The following PCDHGA1 variants were observed in gnomAD, a reference collection of about 807,000 sequenced individuals.
The protein encoded by PCDHGA1 is protocadherin gamma subfamily A, 1.
PCDHGA1 carries 32 observed loss-of-function variants against 58.0 expected under a neutral mutation model. The observed-to-expected ratio is 0.55, with a 90% confidence interval of 0.42 to 0.74. The LOEUF is 0.74. Ranked by LOEUF, PCDHGA1 falls within the 30% of genes least tolerant of loss-of-function variation. The pLI is 0.00. For missense variants in PCDHGA1, 1,205 were observed against 1,182.3 expected (o/e 1.02, Z -0.28); for synonymous variants, 498 against 501.1 (o/e 0.99, Z 0.08).
chr5:141,361,230 G>A, intron 1 of PCDHGA1: 1 of 1,613,982 alleles, frequency 6.2e-7, no homozygotes, highest in Non-Finnish European at 8.5e-7. Flanking sequence ...CAGGAACAGT[G>A]ATCGCCTTGA....
intron 2 of PCDHGA1, among the ~76,000 whole-genome samples, chr5:141,496,582 G>A (rs991035985): frequency 1.9e-4 from 29 of 152,100 alleles, no homozygotes; most frequent in Non-Finnish European, 3.5e-4. Flanking sequence ...TTTTAGGAAC[G>A]CAAAGCGCTT....
At chr5:141,333,884 G>A (rs2149715147) in intron 1 of PCDHGA1, 1 of 152,190 alleles carries the variant, frequency 6.6e-6, no homozygotes, top group East Asian at 1.9e-4. Flanking sequence ...AATGTATGAA[G>A]TAACAAAATG....
intron 1 of PCDHGA1, chr5:141,423,809 GT>G (rs1484832928): frequency 7.9e-7 from 1 of 1,259,912 alleles, no homozygotes; most frequent in African/African-American, 1.6e-5. Context: ...ATACATGTGA[GT>G]TTTACTTTGC....
intron 1 of PCDHGA1, among the ~76,000 whole-genome samples, chr5:141,435,743 G>T (rs3805699): frequency 0.11 from 17,212 of 152,168 alleles, 1,160 homozygotes; most frequent in African/African-American, 0.18. Context: ...TCTTTGAAAA[G>T]CATTGCTTGA....
chr5:141,361,046 A>G, intron 1 of PCDHGA1: 1 of 1,613,710 alleles, frequency 6.2e-7, no homozygotes, highest in East Asian at 2.2e-5. Context: ...ATCACGACAA[A>G]GGATGATTTG....
intron 1 of PCDHGA1, chr5:141,419,142 G>A (rs1351034238): frequency 6.2e-7 from 1 of 1,613,902 alleles, no homozygotes; most frequent in Non-Finnish European, 8.5e-7. Context: ...ACAGACAGGG[G>A]CAAGCCTCCG....
chr5:141,510,898 T>G (rs1393880610), intron 3 of PCDHGA1, 49 bp from the exon 4 acceptor site: 1 of 1,613,278 alleles, frequency 6.2e-7, no homozygotes, highest in East Asian at 2.2e-5. Context: ...ACAGTGACTG[T>G]TGAGGACCCT....
chr5:141,372,698 C>G, intron 1 of PCDHGA1: 1 of 1,613,986 alleles, frequency 6.2e-7, no homozygotes, highest in Non-Finnish European at 8.5e-7. Flanking sequence ...TTAAATTTCT[C>G]AATATAAAGG....
intron 1 of PCDHGA1, chr5:141,375,438 T>TC: frequency 1.2e-6 from 2 of 1,613,806 alleles, no homozygotes; most frequent in African/African-American, 1.3e-5. Flanking sequence ...CCGCCCACCT[T>TC]CCCCCATTCA....
intron 1 of PCDHGA1, chr5:141,390,108 A>G (rs1450933158): frequency 6.2e-7 from 1 of 1,614,030 alleles, no homozygotes; most frequent in Non-Finnish European, 8.5e-7. Context: ...CCCCAACTAC[A>G]GCGAGGGGAC....
chr5:141,485,106 TGGCTGTTTGGGGCGGGTC>T lies in PCDHGA1; in HGVS notation c.2422-9696_2422-9679del. 1 of 1,206,448 alleles carries T rather than the reference TGGCTGTTTGGGGCGGGTC, an allele frequency of 8.3e-7. No homozygotes were observed. The highest frequency in any genetic ancestry group is 1.2e-6 in the Non-Finnish European group (1 of 828,284). 74.7% of individuals were successfully genotyped at this position (1,206,448 alleles called of 1,614,324 possible). Reference sequence around the variant, plus strand: ...GGGAGATAGGTGTCTCCAGCTGCTGTGGCTGTTTGGGGCGGGTCGGCTTCATCCGCGTCTCAGGAGCAA... The same window carrying T: ...GGGAGATAGGTGTCTCCAGCTGCTGTGGCTTCATCCGCGTCTCAGGAGCAA... On this transcript the variant is annotated intron_variant, in intron 1 of 3. Coordinates refer to ENST00000517417, the MANE Select transcript of PCDHGA1 (RefSeq NM_018912.3). This position sits in a 1 kb window ranked among gnomAD's most constrained non-coding sequence, Gnocchi z 5.7.
intron 3 of PCDHGA1, among the ~76,000 whole-genome samples, chr5:141,510,440 C>T (rs1251795430): frequency 6.6e-6 from 1 of 152,066 alleles, no homozygotes; most frequent in Non-Finnish European, 1.5e-5. Context: ...TGCTGCCCTC[C>T]AGGAGCCCAT....
chr5:141,338,035 C>CT (rs1420636575), intron 1 of PCDHGA1, among the ~76,000 whole-genome samples: 5 of 152,284 alleles, frequency 3.3e-5, no homozygotes, highest in Admixed American at 2.6e-4. Flanking sequence ...TTCAATCCTA[C>CT]TTTTTATGAT....
At chr5:141,393,747 T>C (rs1375394315) in intron 1 of PCDHGA1, 1 of 1,613,866 alleles carries the variant, frequency 6.2e-7, no homozygotes, top group Admixed American at 1.7e-5. Flanking sequence ...TTATGAAGAA[T>C]GTTCATTTTA....
chr5:141,383,514 G>A (rs778204328), intron 1 of PCDHGA1: 2 of 1,612,718 alleles, frequency 1.2e-6, no homozygotes, highest in South Asian at 2.2e-5. Context: ...GGGAGGAAGA[G>A]CGGGTTCACC....
chr5:141,390,867 C>CGTGTGTGT (rs61319619), intron 1 of PCDHGA1: 11 of 151,144 alleles, frequency 7.3e-5, no homozygotes, highest in African/African-American at 2.7e-4. Flanking sequence ...GCTGTGTGTG[C>CGTGTGTGT]GTGTGTGTGT....
intron 1 of PCDHGA1, among the ~76,000 whole-genome samples, chr5:141,407,497 G>GTTTTTTTTTTTTTT (rs1554102286): frequency 6.6e-6 from 1 of 152,090 alleles, no homozygotes; most frequent in African/African-American, 2.4e-5. Context: ...CTTTATTTCT[G>GTTTTTTTTTTTTTT]TTTTTCTTAG....
chr5:141,331,271 T>C lies in PCDHGA1; in HGVS notation c.587T>C (p.Leu196Pro). Residue 196 changes from leucine to proline, a missense_variant, in exon 1 of 4, where the codon CTG becomes CCG. By Grantham distance (98) the Leu-to-Pro change is moderately conservative. Coordinates refer to ENST00000517417, the MANE Select transcript of PCDHGA1 (RefSeq NM_018912.3). ...GGGCCTCAACATCCAGAGATGGTGC[T>C]GCAGAGTCCCTTAGACAGAGAAGAA... is the stretch of plus-strand genomic sequence containing the variant. ...ADGPQHPEMV[L>P]QSPLDREEEA... is the part of the protein sequence containing the mutation. 1 of 1,614,138 alleles carries C rather than the reference T, an allele frequency of 6.2e-7. No homozygotes were observed. Among genetic ancestry groups the C allele is most frequent in the Non-Finnish European group, 8.5e-7 (1 of 1,180,028 alleles).
intron 1 of PCDHGA1, chr5:141,351,487 G>A: frequency 6.2e-7 from 1 of 1,613,946 alleles, no homozygotes; most frequent in Non-Finnish European, 8.5e-7. Flanking sequence ...TAAACCGGGA[G>A]CAGACAGCAG....
Sources: allele counts gnomAD v4.1 joint callset (sites outside exome capture counted in the v4.1 genomes callset), GRCh38; gene constraint gnomAD v4.1.1; non-coding constraint Gnocchi (gnomAD v3.1); transcripts MANE v1.5; gene names NCBI Gene and HGNC (gene_info 2026-07-23, HGNC 2026-07-21).